SGCD: variants seen among roughly 807,000 people sequenced by gnomAD.
SGCD encodes delta-sarcoglycan.
A neutral mutation model predicts 36.6 loss-of-function variants in SGCD; 18 were observed. The observed-to-expected ratio is 0.49, with a 90% CI of 0.34 to 0.73. The LOEUF (loss-of-function observed/expected upper bound fraction) is 0.73. SGCD is among the 30% of genes least tolerant of loss of function. The probability of loss-of-function intolerance (pLI) is 0.01; values close to 1 mark genes in which losing one functional copy is unlikely to be tolerated. For missense variants in SGCD, 387 were observed against 346.7 expected (o/e 1.12, Z -0.92); for synonymous variants, 133 against 130.6 (o/e 1.02, Z -0.12).
chr5:156,383,431 T>G (rs2135027), intron 3 of SGCD, among the ~76,000 whole-genome samples: 119,109 of 151,890 alleles, frequency 0.78, 47,340 homozygotes, highest in African/African-American at 0.91. Context: ...TCGAACCCAG[T>G]AGGCGGAGGT....
chr5:156,136,526 T>C (rs919485687), intron 3 of SGCD, among the ~76,000 whole-genome samples: 1 of 152,190 alleles, frequency 6.6e-6, no homozygotes, highest in African/African-American at 2.4e-5. Flanking sequence ...CTTAAGTGCA[T>C]CCATGGATTA....
chr5:155,933,172 G>T (rs764814752), intron 1 of SGCD, among the ~76,000 whole-genome samples: 1 of 152,128 alleles, frequency 6.6e-6, no homozygotes, highest in Non-Finnish European at 1.5e-5. Flanking sequence ...TTCTCTAGCC[G>T]TAGGGGTCTT....
At chr5:156,330,171 A>C (rs1561623484) in intron 2 of SGCD, among the ~76,000 whole-genome samples, 1 of 152,186 alleles carries the variant, frequency 6.6e-6, no homozygotes, top group Non-Finnish European at 1.5e-5. Flanking sequence ...GGAATTATTT[A>C]TTGGAACGTT....
intron 3 of SGCD, among the ~76,000 whole-genome samples, chr5:156,210,470 T>C (rs760220196): frequency 5.3e-5 from 8 of 151,732 alleles, no homozygotes; most frequent in Non-Finnish European, 1.0e-4. Flanking sequence ...CCCTAAGAAA[T>C]AGAGACATAT....
At chr5:156,019,388 T>C (rs1282523498) in intron 1 of SGCD, among the ~76,000 whole-genome samples, 2 of 152,180 alleles carry the variant, frequency 1.3e-5, no homozygotes, top group Non-Finnish European at 2.9e-5. Flanking sequence ...GATATTCTTC[T>C]TTCCAAAGGC....
At chr5:156,032,706 CAAAAAAA>C (rs1171072619) in intron 1 of SGCD, among the ~76,000 whole-genome samples, 309 of 15,068 alleles carry the variant, frequency 0.021, 5 homozygotes, top group African/African-American at 0.043. Flanking sequence ...GACTCCGTCT[CAAAAAAA>C]AAAAAAAAAA....
chr5:155,737,907 A>T, the SGCD span, among the ~76,000 whole-genome samples: 1 of 152,068 alleles, frequency 6.6e-6, no homozygotes, highest in African/African-American at 2.4e-5. Context: ...CCTGTGGTGT[A>T]ATGGGACAGT....
intron 3 of SGCD, among the ~76,000 whole-genome samples, chr5:156,307,662 A>G (rs772326598): frequency 7.8e-5 from 11 of 141,860 alleles, no homozygotes; most frequent in Admixed American, 2.3e-4. Flanking sequence ...TTTCTTTCTC[A>G]TTTCATGTTA....
intron 4 of SGCD, among the ~76,000 whole-genome samples, chr5:156,576,148 C>T (rs528057273): frequency 6.7e-6 from 1 of 149,824 alleles, no homozygotes; most frequent in South Asian, 2.1e-4. Flanking sequence ...TTGTTCATTT[C>T]CCACCTATGA....
At chr5:156,527,823 G>C (rs1320660719) in intron 4 of SGCD, among the ~76,000 whole-genome samples, 1 of 152,154 alleles carries the variant, frequency 6.6e-6, no homozygotes, top group Non-Finnish European at 1.5e-5. Context: ...CCAGCCACAG[G>C]GGGCCGAGGC....
intron 3 of SGCD, among the ~76,000 whole-genome samples, chr5:156,415,548 G>A (rs1580956159): frequency 6.6e-6 from 1 of 152,112 alleles, no homozygotes. Flanking sequence ...GCTTTGCAAG[G>A]TTCACATCCT....
chr5:156,476,758 A>G (rs1430234062), intron 3 of SGCD, among the ~76,000 whole-genome samples: 1 of 152,198 alleles, frequency 6.6e-6, no homozygotes, highest in Non-Finnish European at 1.5e-5. Flanking sequence ...GAACCCATCC[A>G]GGCTGCTTCA....
intron 4 of SGCD, among the ~76,000 whole-genome samples, chr5:156,510,896 A>G (rs571613241): frequency 6.6e-6 from 1 of 152,338 alleles, no homozygotes; most frequent in South Asian, 2.1e-4. Context: ...ACTTGAAAAC[A>G]GGGTACTGGG....
At chr5:155,849,463 C>T in the SGCD span, among the ~76,000 whole-genome samples, 2 of 151,998 alleles carry the variant, frequency 1.3e-5, no homozygotes, top group Admixed American at 6.6e-5. Context: ...CACACACACA[C>T]ATTTTAACTA....
chr5:156,219,823 A>G (rs1189685633), intron 3 of SGCD, among the ~76,000 whole-genome samples: 1 of 152,148 alleles, frequency 6.6e-6, no homozygotes, highest in African/African-American at 2.4e-5. Flanking sequence ...GTAGCATTCA[A>G]AGTTTTAGCC....
intron 3 of SGCD, among the ~76,000 whole-genome samples, chr5:156,179,904 G>A (rs10476319): frequency 0.29 from 44,742 of 151,980 alleles, 7,047 homozygotes; most frequent in East Asian, 0.57. Context: ...GATTACAGGC[G>A]TGAGCCACAG....
intron 1 of SGCD, among the ~76,000 whole-genome samples, chr5:155,881,928 G>A (rs142409362): frequency 1.3e-5 from 2 of 152,058 alleles, no homozygotes. Context: ...AGCAAGTCAG[G>A]CACATCTTGA....
chr5:156,181,678 A>AT (rs933396436), intron 3 of SGCD, among the ~76,000 whole-genome samples: 2 of 152,092 alleles, frequency 1.3e-5, no homozygotes, highest in Non-Finnish European at 2.9e-5. Context: ...TTGTTCAGGA[A>AT]TTTTTTTCCT....
chr5:156,581,999 G>A (rs1007791664), intron 4 of SGCD, among the ~76,000 whole-genome samples: 1 of 152,176 alleles, frequency 6.6e-6, no homozygotes, highest in Non-Finnish European at 1.5e-5. Flanking sequence ...ACCCTCTTCT[G>A]CATCAATCAT....
Sources: gnomAD v4.1 joint callset for allele counts (sites outside exome capture counted in the v4.1 genomes callset) on GRCh38, gnomAD v4.1.1 for gene constraint, MANE v1.5 for transcripts, NCBI Gene and HGNC (gene_info 2026-07-23, HGNC 2026-07-21) for gene names.